RABEP1: variants seen among roughly 807,000 people sequenced by gnomAD.
The protein encoded by RABEP1 is rab GTPase-binding effector protein 1.
In RABEP1, 51 loss-of-function variants were observed where a neutral mutation model predicts 123.4. The observed-to-expected ratio is 0.41, with a 90% CI of 0.33 to 0.52. The LOEUF (loss-of-function observed/expected upper bound fraction) is 0.52, where lower values mean the gene tolerates loss of function less well. RABEP1 is among the 20% of genes least tolerant of loss of function. The probability of loss-of-function intolerance (pLI) is 0.16; values close to 1 mark genes in which losing one functional copy is unlikely to be tolerated. For missense variants in RABEP1, 888 were observed against 996.3 expected (o/e 0.89, Z 1.46); for synonymous variants, 347 against 355.2 (o/e 0.98, Z 0.26).
At position 5,313,786 on chromosome 17, in the gene RABEP1, T is replaced by A. The variant is rs979529980; in HGVS notation, c.163+4964T>A. Among the ~76,000 whole-genome samples, 4 of 152,298 alleles carry A rather than the reference T, an allele frequency of 2.6e-5. No homozygotes were observed. The Middle Eastern group carries it at 0.01, about 389-fold the overall frequency. ...GCTTTTTACAAAATTTCAAAAAAAATACTGTGATCCTTTTTGAGTTTTTGG... is the reference window on the plus strand; with the variant it reads ...GCTTTTTACAAAATTTCAAAAAAAAAACTGTGATCCTTTTTGAGTTTTTGG... On this transcript the variant is annotated intron_variant, in intron 2 of 17. Coordinates refer to ENST00000537505, the MANE Select transcript of RABEP1 (RefSeq NM_004703.6).
rs1027969007 is a variant in RABEP1 at position 5,376,905 on chromosome 17, G to C, written c.2026-211G>C. On this transcript the variant is annotated intron_variant, in intron 13 of 17. Transcript: ENST00000537505. ...TGAGGGAAGAGTATGTGGCTTACAA[G>C]ATACGACTTGGCCAGAAATGTCTTT... Among the ~76,000 whole-genome samples the C allele has an allele frequency of 5.9e-5, 9 of 152,176 alleles. 1 individual carries two copies. The highest frequency in any genetic ancestry group is 5.9e-4 in the Admixed American group (9 of 15,272).
intron 15 of RABEP1, chr17:5,378,811 G>A (rs1911209388): frequency 6.2e-6 from 1 of 160,802 alleles, no homozygotes; most frequent in Non-Finnish European, 1.3e-5. Flanking sequence ...CAGACCTCCA[G>A]TTCTCTGAAC....
At chr17:5,339,643 C>G (rs928105820) in intron 5 of RABEP1, among the ~76,000 whole-genome samples, 2 of 145,850 alleles carry the variant, frequency 1.4e-5, no homozygotes, top group Non-Finnish European at 3.0e-5. Flanking sequence ...ACTAAAAATA[C>G]AAAAATTAGC....
intron 4 of RABEP1, chr17:5,336,628 G>A: frequency 2.8e-6 from 1 of 359,934 alleles, no homozygotes. Context: ...TGTTTATGAT[G>A]ACATTCAGCA....
intron 8 of RABEP1, 155 bp from the exon 9 acceptor site, chr17:5,361,053 T>C: frequency 1.4e-6 from 1 of 697,416 alleles, no homozygotes; most frequent in Non-Finnish European, 2.3e-6. Context: ...GTCCAGCATG[T>C]AGAAATGACA....
At chr17:5,354,799 G>T (rs1352067176) in intron 8 of RABEP1, among the ~76,000 whole-genome samples, 1 of 152,138 alleles carries the variant, frequency 6.6e-6, no homozygotes, top group Non-Finnish European at 1.5e-5. Flanking sequence ...AATAGTACAT[G>T]TTGCTAATAC....
At chr17:5,293,253 C>T (rs143999477) in intron 1 of RABEP1, among the ~76,000 whole-genome samples, 3,217 of 151,984 alleles carry the variant, frequency 0.021, 111 homozygotes, top group African/African-American at 0.074. Context: ...CACCATTGCA[C>T]TCCAGCCTGG....
At chr17:5,324,619 G>A (rs1905788800) in intron 2 of RABEP1, among the ~76,000 whole-genome samples, 23 of 152,176 alleles carry the variant, frequency 1.5e-4, no homozygotes, top group Admixed American at 1.5e-3. Flanking sequence ...GGGAAACAAA[G>A]TGAAGAGACA....
intron 1 of RABEP1, among the ~76,000 whole-genome samples, chr17:5,285,936 A>C (rs2074973530): frequency 6.6e-6 from 1 of 152,200 alleles, no homozygotes; most frequent in Non-Finnish European, 1.5e-5. Context: ...GATTGTTTTC[A>C]AATTTTAATT....
chr17:5,333,413 C>A (rs918961638), intron 3 of RABEP1, among the ~76,000 whole-genome samples: 3 of 152,140 alleles, frequency 2.0e-5, no homozygotes, highest in Admixed American at 2.0e-4. Context: ...CTGCCCGCCT[C>A]GGCCTCCCAA....
At chr17:5,372,400 G>A (rs11652151) in intron 12 of RABEP1, among the ~76,000 whole-genome samples, 18,287 of 151,732 alleles carry the variant, frequency 0.12, 1,430 homozygotes, top group African/African-American at 0.22. Flanking sequence ...GCAGTGAGCC[G>A]AGATCACACC....
intron 12 of RABEP1, among the ~76,000 whole-genome samples, chr17:5,372,042 T>G (rs994555869): frequency 1.4e-4 from 21 of 152,114 alleles, no homozygotes; most frequent in Admixed American, 1.1e-3. Context: ...GAGCTTTATC[T>G]GATACTCGGA....
At chr17:5,379,438 A>G (rs936093754) in intron 15 of RABEP1, among the ~76,000 whole-genome samples, 36 of 152,070 alleles carry the variant, frequency 2.4e-4, no homozygotes, top group Admixed American at 1.5e-3. Context: ...TCAGAAGGAA[A>G]AAGTCTGTCT....
At chr17:5,301,792 A>C (rs1597334638) in intron 1 of RABEP1, among the ~76,000 whole-genome samples, 1 of 151,788 alleles carries the variant, frequency 6.6e-6, no homozygotes, top group South Asian at 2.1e-4. Flanking sequence ...AAAATCAACC[A>C]CCTGCGCCAT....
chr17:5,306,035 A>G (rs1011836135), intron 1 of RABEP1, among the ~76,000 whole-genome samples: 1 of 152,198 alleles, frequency 6.6e-6, no homozygotes, highest in African/African-American at 2.4e-5. Context: ...TCAAGGTCTC[A>G]TGGGAATGAA....
At position 5,359,196 on chromosome 17, in the gene RABEP1, C is replaced by T. The variant is rs537901266; in HGVS notation, c.1096-2012C>T. On this transcript the variant is annotated intron_variant, in intron 8 of 17. Coordinates refer to ENST00000537505, the MANE Select transcript of RABEP1 (RefSeq NM_004703.6). ...TCACGCCATTCTCCTTCCTCAGCCT[C>T]CCAAGTAGCTGGGACTACAGGCACC... is the stretch of plus-strand genomic sequence containing the variant. Among the ~76,000 whole-genome samples the T allele has an allele frequency of 7.9e-5, 12 of 152,178 alleles. 1 individual carries two copies. The highest frequency in any genetic ancestry group is 1.9e-4 in the African/African-American group (8 of 41,492).
At chr17:5,335,777 C>CT (rs965919408) in intron 4 of RABEP1, among the ~76,000 whole-genome samples, 24 of 151,326 alleles carry the variant, frequency 1.6e-4, no homozygotes, top group South Asian at 1.5e-3. Context: ...CTCTTTCTCT[C>CT]TTTTTTTTTA....
rs544689952 is a variant in RABEP1, at chr17:5,378,373, C to T, written c.2271+141C>T. ...CTTTTGTCTTGTGGGAAGAAAACCACGGGGTAAGGGTGTGCTGGTGATTTA... is the reference window on the plus strand; with the variant it reads ...CTTTTGTCTTGTGGGAAGAAAACCATGGGGTAAGGGTGTGCTGGTGATTTA... On this transcript the variant is annotated intron_variant, in intron 15 of 17. Coordinates refer to ENST00000537505, the MANE Select transcript of RABEP1 (RefSeq NM_004703.6). 16 of 781,004 alleles carry T rather than the reference C, an allele frequency of 2.0e-5. No homozygotes were observed. In the East Asian group the frequency reaches 2.4e-4, roughly 12 times the overall value. 48.4% of individuals were successfully genotyped at this position (781,004 alleles called of 1,614,324 possible). A position where few individuals can be genotyped will look rare whatever the true frequency, so the allele number is the denominator to read the frequency against.
rs372747704 is a variant in RABEP1 at position 5,331,954 on chromosome 17, C to T, written c.169C>T (p.Leu57=). The change falls in exon 3 of 18, where the codon CTG becomes TTG. Residue 57 remains leucine, a synonymous_variant. Coordinates refer to ENST00000537505, the MANE Select transcript of RABEP1 (RefSeq NM_004703.6). ...TCTTTTACTTTTCTCTCCAGAGGAT[C>T]TGAAGAGGCAAAATGCAGTATTACA... The part of the protein sequence containing the change: ...KELYLAKEED[L]KRQNAVLQAA... The T allele has an allele frequency of 1.2e-5, 19 of 1,613,736 alleles. No homozygotes were observed. The African/African-American group carries it at 1.9e-4, about 16-fold the overall frequency.
Sources: gnomAD v4.1 joint callset for allele counts (sites outside exome capture counted in the v4.1 genomes callset) on GRCh38, gnomAD v4.1.1 for gene constraint, MANE v1.5 for transcripts, NCBI Gene and HGNC (gene_info 2026-07-23, HGNC 2026-07-21) for gene names.